The following KIAA1217 variants were observed in gnomAD, a reference collection of about 807,000 sequenced individuals.
KIAA1217 encodes KIAA1217.
KIAA1217 carries 88 observed loss-of-function variants against 163.9 expected under a neutral mutation model. The observed-to-expected ratio is 0.54, with a 90% CI of 0.45 to 0.64. The LOEUF (loss-of-function observed/expected upper bound fraction) is 0.64. KIAA1217 is among the 30% of genes least tolerant of loss of function. The pLI is 0.00. For synonymous variants in KIAA1217, 903 were observed against 923.1 expected (o/e 0.98, Z 0.39); for missense variants, 2,372 against 2,475.0 (o/e 0.96, Z 0.88).
At chr10:23,924,434 T>A (rs1362349872) in intron 1 of KIAA1217, among the ~76,000 whole-genome samples, 1 of 152,188 alleles carries the variant, frequency 6.6e-6, no homozygotes, top group Non-Finnish European at 1.5e-5. Flanking sequence ...AATGTAGGAT[T>A]TTTAAATGCC....
intron 1 of KIAA1217, chr10:23,877,282 C>T (rs1840742372): frequency 1.3e-5 from 2 of 152,010 alleles, no homozygotes; most frequent in Admixed American, 6.6e-5. Flanking sequence ...GAAGCACAGC[C>T]ATATTACTAC....
intron 6 of KIAA1217, among the ~76,000 whole-genome samples, chr10:24,485,042 C>T (rs1208505218): frequency 6.6e-6 from 1 of 151,304 alleles, no homozygotes; most frequent in Non-Finnish European, 1.5e-5. Context: ...CGGGGAACAC[C>T]AGGCCTGGGT....
intron 1 of KIAA1217, among the ~76,000 whole-genome samples, chr10:23,726,382 A>G (rs1838136556): frequency 1.4e-5 from 2 of 145,354 alleles, no homozygotes; most frequent in Admixed American, 1.4e-4. Flanking sequence ...TTTATTTTTT[A>G]TTATACTTTA....
chr10:24,180,557 C>T (rs926624437), intron 2 of KIAA1217, among the ~76,000 whole-genome samples: 1 of 152,140 alleles, frequency 6.6e-6, no homozygotes, highest in Non-Finnish European at 1.5e-5. Context: ...ATACTCATCT[C>T]TCTGTAATAC....
chr10:24,073,105 CA>C (rs1334552847), intron 2 of KIAA1217, among the ~76,000 whole-genome samples: 4 of 151,358 alleles, frequency 2.6e-5, no homozygotes, highest in Admixed American at 1.3e-4. Context: ...ACTAGCTTTT[CA>C]AACATATTAG....
At chr10:24,205,533 G>A (rs1388958261), upstream of KIAA1217, among the ~76,000 whole-genome samples, 2 of 151,594 alleles carry the variant, frequency 1.3e-5, no homozygotes, top group African/African-American at 4.9e-5. Flanking sequence ...CAGCACTTTG[G>A]GAGCCCGAGG....
At chr10:24,010,861 G>T (rs770596606) in intron 2 of KIAA1217, among the ~76,000 whole-genome samples, 1 of 152,092 alleles carries the variant, frequency 6.6e-6, no homozygotes, top group East Asian at 1.9e-4. Context: ...GTTCCAGCTG[G>T]TCATGGAAGG....
intron 8 of KIAA1217, among the ~76,000 whole-genome samples, chr10:24,497,263 GT>G (rs2133853933): frequency 6.6e-6 from 1 of 152,268 alleles, no homozygotes; most frequent in Non-Finnish European, 1.5e-5. Context: ...GGAATGTGTA[GT>G]TTACTGTGGA....
At chr10:23,975,525 G>A (rs1280502630) in intron 1 of KIAA1217, among the ~76,000 whole-genome samples, 2 of 152,188 alleles carry the variant, frequency 1.3e-5, no homozygotes, top group East Asian at 3.8e-4. Flanking sequence ...ACAGGCCAAT[G>A]CTTCCTTAAC....
chr10:24,007,244 A>C (rs1847043563), exon 2 of KIAA1217: 1 of 151,840 alleles, frequency 6.6e-6, no homozygotes, highest in African/African-American at 2.4e-5. Flanking sequence ...CTGGGGTCCT[A>C]AATTTGTGGC....
At chr10:23,928,113 C>G (rs1023024522) in intron 1 of KIAA1217, among the ~76,000 whole-genome samples, 1 of 152,162 alleles carries the variant, frequency 6.6e-6, no homozygotes, top group Non-Finnish European at 1.5e-5. Flanking sequence ...TGGCTTTTGC[C>G]TAATCATCAA....
At chr10:24,253,651 G>A (rs182934191) in intron 2 of KIAA1217, among the ~76,000 whole-genome samples, 22 of 151,980 alleles carry the variant, frequency 1.4e-4, no homozygotes, top group Non-Finnish European at 2.2e-4. Context: ...AGAATCTCTT[G>A]AACCTGGGAG....
At chr10:24,403,260 C>T (rs1188861220) in intron 3 of KIAA1217, among the ~76,000 whole-genome samples, 4 of 152,000 alleles carry the variant, frequency 2.6e-5, no homozygotes, top group Admixed American at 6.6e-5. Flanking sequence ...TGTTTTGACA[C>T]AAAGTTTTGC....
At chr10:23,759,117 T>C (rs996684580) in intron 1 of KIAA1217, among the ~76,000 whole-genome samples, 9 of 152,176 alleles carry the variant, frequency 5.9e-5, no homozygotes, top group Admixed American at 4.6e-4. Context: ...ATAGTTTCTA[T>C]TGTTTGTTTT....
At chr10:24,285,550 T>A (rs2132319478) in intron 2 of KIAA1217, among the ~76,000 whole-genome samples, 1 of 152,286 alleles carries the variant, frequency 6.6e-6, no homozygotes, top group Admixed American at 6.5e-5. Context: ...GTGGGTTTAT[T>A]TCTTATTCTG....
chr10:24,533,156 C>T lies in KIAA1217; in HGVS notation c.3333C>T (p.Ser1111=). ...AEEPASAWTP[S]PPPVTTSSSK... ...AGCCTGCTTCAGCCTGGACCCCATC[C>T]CCACCGCCTGTCACCACCTCCTCCT... The change falls in exon 16 of 21, where the codon TCC becomes TCT. Residue 1111 remains serine (S), a synonymous_variant. Transcript: ENST00000376454. The T allele has an allele frequency of 6.2e-7, 1 of 1,613,804 alleles. No individual in the cohort carries two copies. Among genetic ancestry groups the T allele is most frequent in the Non-Finnish European group, 8.5e-7 (1 of 1,179,940 alleles).
At position 24,422,901 on chromosome 10, in the gene KIAA1217, C is replaced by CTTT. The variant is rs58161228; in HGVS notation, c.554-10075_554-10073dup. On this transcript the variant is annotated intron_variant, in intron 3 of 20. Coordinates refer to ENST00000376454, the MANE Select transcript of KIAA1217 (RefSeq NM_019590.5). ...CTCATATTACTTCCTATAGATTTAA[C>CTTT]TTTTTTTTTTTTTTTTTTTTTGAGA... Among the ~76,000 whole-genome samples the CTTT allele has an allele frequency of 6.1e-3, 736 of 120,530 alleles. 31 individuals are homozygous for CTTT. The highest frequency in any genetic ancestry group is 0.021 in the African/African-American group (689 of 32,062). The allele number at this position is 120,530 out of a possible 152,430, so 79.1% of individuals were successfully genotyped here.
chr10:24,194,762 A>ATTTTTTTT (rs762968095), intron 2 of KIAA1217, among the ~76,000 whole-genome samples: 1 of 97,994 alleles, frequency 1.0e-5, no homozygotes, highest in Non-Finnish European at 1.9e-5. Context: ...AGCCAATTAA[A>ATTTTTTTT]TTTTTTTTTT....
chr10:23,766,594 C>CT (rs569633830), intron 1 of KIAA1217, among the ~76,000 whole-genome samples: 6,892 of 127,606 alleles, frequency 0.054, 313 homozygotes, highest in African/African-American at 0.12. Context: ...TTTCTTTTTT[C>CT]TTTTTTTTTT....
Sources: gnomAD v4.1 joint callset for allele counts (sites outside exome capture counted in the v4.1 genomes callset) on GRCh38, gnomAD v4.1.1 for gene constraint, MANE v1.5 for transcripts, NCBI Gene and HGNC (gene_info 2026-07-23, HGNC 2026-07-21) for gene names.